JAKMIP2: variants seen among roughly 807,000 people sequenced by gnomAD.
JAKMIP2 encodes the protein janus kinase and microtubule-interacting protein 2.
JAKMIP2 carries 25 observed loss-of-function variants against 115.0 expected under a neutral mutation model. The ratio of observed to expected loss-of-function variants is 0.22; its 90% CI spans 0.16 to 0.30. JAKMIP2 has a LOEUF of 0.30. Ranked by LOEUF, JAKMIP2 falls within the 10% of genes least tolerant of loss-of-function variation. The probability of loss-of-function intolerance (pLI) is 1.00; values close to 1 mark genes in which losing one functional copy is unlikely to be tolerated. For synonymous variants in JAKMIP2, 334 were observed against 343.6 expected (o/e 0.97, Z 0.31); for missense variants, 642 against 957.6 (o/e 0.67, Z 4.35).
rs536363438 is a variant in JAKMIP2, at chr5:147,696,738, G to A, written c.-148-24784C>T. On this transcript the variant is annotated intron_variant, in intron 1 of 21. Coordinates refer to ENST00000616793, the MANE Select transcript of JAKMIP2 (RefSeq NM_001270941.2). ...GACCTTCCTAGAGACTTGCTGAATG[G>A]CTTTGACCAAAATGCTGATAGTGAT... Among the ~76,000 whole-genome samples the A allele has an allele frequency of 2.6e-5, 4 of 152,316 alleles. No individual in the cohort carries two copies. In the South Asian group the frequency reaches 8.3e-4, roughly 32 times the overall value.
At chr5:147,716,021 A>C (rs1331153123) in intron 1 of JAKMIP2, among the ~76,000 whole-genome samples, 87 of 124,232 alleles carry the variant, frequency 7.0e-4, no homozygotes, top group Non-Finnish European at 1.2e-3. Context: ...CAGTCCCCAG[A>C]GTGTGATATT....
intron 1 of JAKMIP2, among the ~76,000 whole-genome samples, chr5:147,764,272 T>C (rs560198785): frequency 6.6e-6 from 1 of 152,090 alleles, no homozygotes. Flanking sequence ...GGAATCTCGA[T>C]GTTCCAATGA....
At chr5:147,718,739 T>C (rs547584311) in intron 1 of JAKMIP2, among the ~76,000 whole-genome samples, 10 of 152,302 alleles carry the variant, frequency 6.6e-5, no homozygotes, top group African/African-American at 2.4e-4. Flanking sequence ...CTTCTCTCTT[T>C]TTTTCTTTAT....
intron 1 of JAKMIP2, among the ~76,000 whole-genome samples, chr5:147,680,499 G>A (rs1195187601): frequency 1.3e-5 from 2 of 150,082 alleles, no homozygotes; most frequent in African/African-American, 2.5e-5. Flanking sequence ...AAATAGTTGC[G>A]TTCACATGTA....
At chr5:147,647,948 A>T (rs1312656131) in intron 5 of JAKMIP2, among the ~76,000 whole-genome samples, 1 of 152,226 alleles carries the variant, frequency 6.6e-6, no homozygotes, top group African/African-American at 2.4e-5. Context: ...ATATTATTTG[A>T]ATACTATAGA....
At chr5:147,629,177 A>G (rs1166909546) in intron 15 of JAKMIP2, among the ~76,000 whole-genome samples, 2 of 152,282 alleles carry the variant, frequency 1.3e-5, no homozygotes, top group Non-Finnish European at 2.9e-5. Context: ...TAATTTTTCA[A>G]GGGAAAAACG....
chr5:147,739,985 G>T (rs531527035), intron 1 of JAKMIP2, among the ~76,000 whole-genome samples: 13 of 152,248 alleles, frequency 8.5e-5, no homozygotes, highest in African/African-American at 3.1e-4. Context: ...AAAGGGTTTT[G>T]GTTCATGTTC....
intron 1 of JAKMIP2, among the ~76,000 whole-genome samples, chr5:147,685,407 C>G (rs1010121950): frequency 6.6e-6 from 1 of 152,064 alleles, no homozygotes; most frequent in African/African-American, 2.4e-5. Context: ...CTAGGCACTA[C>G]AGTAAATGAT....
intron 8 of JAKMIP2, 144 bp from the exon 9 acceptor site, chr5:147,640,967 G>A: frequency 1.6e-6 from 1 of 630,396 alleles, no homozygotes; most frequent in Non-Finnish European, 2.6e-6. Flanking sequence ...AAAACATTAG[G>A]CATGAGCATA....
At position 147,586,291 on chromosome 5, in the gene JAKMIP2, T is replaced by C. The variant is rs1754867877; in HGVS notation, c.*5416A>G. ...TCATACTATGTACAGAATATATCTG[T>C]GCATATATTTACATCACATATTTAT... On this transcript the variant is annotated 3_prime_UTR_variant, in exon 22 of 22. Transcript: ENST00000616793. 6.6e-6 allele frequency: 1 copy of C among 152,206 alleles called. No individual in the cohort carries two copies. The highest frequency in any genetic ancestry group is 1.5e-5 in the Non-Finnish European group (1 of 68,046). The allele number at this position is 152,206 out of a possible 1,614,324, so 9.4% of individuals were successfully genotyped here.
Position 147,764,947 on chromosome 5 carries a change from G to GAAAAGAAA in JAKMIP2, c.-149+17508_-149+17509insTTTCTTTT, listed in dbSNP as rs1561582569. 1.1e-4 allele frequency among the ~76,000 whole-genome samples: 4 copies of GAAAAGAAA among 36,592 alleles called. No homozygotes were observed. The East Asian group carries it at 3.3e-3, about 30-fold the overall frequency. The allele number at this position is 36,592 out of a possible 152,430, so 24.0% of individuals were successfully genotyped here. ...GAGAGAGAGAGAGAGAGAGAGAGAG[G>GAAAAGAAA]GAGAGAGAGAGAGAGAGAGGGGGAG... On this transcript the variant is annotated intron_variant, in intron 1 of 21. Coordinates refer to ENST00000616793, the MANE Select transcript of JAKMIP2 (RefSeq NM_001270941.2).
chr5:147,639,546 T>C, intron 10 of JAKMIP2, 86 bp downstream of exon 10: 1 of 1,450,380 alleles, frequency 6.9e-7, no homozygotes. Flanking sequence ...GGGAAAGCTG[T>C]CTTATTGATA....
At chr5:147,678,592 T>C (rs1760097309) in intron 1 of JAKMIP2, among the ~76,000 whole-genome samples, 1 of 151,618 alleles carries the variant, frequency 6.6e-6, no homozygotes. Flanking sequence ...TCTTTTTGAA[T>C]GACAAACACT....
intron 1 of JAKMIP2, among the ~76,000 whole-genome samples, chr5:147,740,949 G>C (rs1455651734): frequency 1.3e-5 from 2 of 152,036 alleles, no homozygotes; most frequent in Admixed American, 1.3e-4. Flanking sequence ...CAGCTGGAAG[G>C]TCCAATAAGA....
At chr5:147,741,221 C>A (rs1754131595) in intron 1 of JAKMIP2, among the ~76,000 whole-genome samples, 1 of 152,064 alleles carries the variant, frequency 6.6e-6, no homozygotes, top group Non-Finnish European at 1.5e-5. Flanking sequence ...AGTATTTCTT[C>A]AAATATAAAT....
chr5:147,652,603 T>C (rs1230083152), intron 3 of JAKMIP2, among the ~76,000 whole-genome samples: 1 of 152,098 alleles, frequency 6.6e-6, no homozygotes, highest in Non-Finnish European at 1.5e-5. Flanking sequence ...AAGATGAGTA[T>C]ATCTGCGCTA....
chr5:147,714,461 G>A (rs1752891600), intron 1 of JAKMIP2, among the ~76,000 whole-genome samples: 1 of 152,140 alleles, frequency 6.6e-6, no homozygotes, highest in Admixed American at 6.6e-5. Context: ...AGAAACAAAA[G>A]AAAGTAAAAG....
intron 2 of JAKMIP2, among the ~76,000 whole-genome samples, chr5:147,666,600 G>A (rs1759310404): frequency 6.6e-6 from 1 of 152,204 alleles, no homozygotes; most frequent in South Asian, 2.1e-4. Flanking sequence ...TAAGAAAAGT[G>A]AGAAACAGTC....
chr5:147,666,323 A>G lies in JAKMIP2; in HGVS notation c.130-4878T>C, dbSNP rs60913189. ...AATCTTAAAATGAATATACAAAATT[A>G]TAAACTATTCCTGAGTAACAATGAA... On this transcript the variant is annotated intron_variant, in intron 2 of 21. Coordinates refer to ENST00000616793, the MANE Select transcript of JAKMIP2 (RefSeq NM_001270941.2). Among the ~76,000 whole-genome samples, 1,118 of 152,320 alleles carry G rather than the reference A, an allele frequency of 7.3e-3. 48 individuals carry two copies. In the East Asian group the frequency reaches 0.13, roughly 17 times the overall value.
Sources: gnomAD v4.1 joint callset for allele counts (sites outside exome capture counted in the v4.1 genomes callset) on GRCh38, gnomAD v4.1.1 for gene constraint, MANE v1.5 for transcripts, NCBI Gene and HGNC (gene_info 2026-07-23, HGNC 2026-07-21) for gene names.